Variants in MSRA observed in about 807,000 individuals in gnomAD.
The protein encoded by MSRA is mitochondrial peptide methionine sulfoxide reductase.
MSRA carries 54 observed loss-of-function variants against 31.3 expected under a neutral mutation model. The observed-to-expected ratio is 1.73, with a 90% confidence interval of 1.39 to 2.17. MSRA has a LOEUF of 2.17. MSRA is among the 30% of genes most tolerant of loss of function. The pLI is 0.00. For synonymous variants in MSRA, 169 were observed against 116.5 expected, an observed-to-expected ratio of 1.45 and a Z score of -2.90; for missense variants, 507 against 300.9, an observed-to-expected ratio of 1.69 and a Z score of -5.07.
intron 5 of MSRA, among the ~76,000 whole-genome samples, chr8:10,393,051 G>C (rs1806860839): frequency 8.7e-6 from 1 of 115,282 alleles, no homozygotes; most frequent in African/African-American, 3.5e-5. Context: ...GACTGAGCGA[G>C]ACTCCGTCTC....
chr8:10,348,932 A>C (rs1463057938), intron 5 of MSRA, among the ~76,000 whole-genome samples: 7 of 152,142 alleles, frequency 4.6e-5, no homozygotes, highest in Non-Finnish European at 2.9e-5. Flanking sequence ...CACGAGATCT[A>C]AAAAAGCCTG....
At chr8:10,127,190 C>G (rs1159184370) in intron 1 of MSRA, among the ~76,000 whole-genome samples, 1 of 152,046 alleles carries the variant, frequency 6.6e-6, no homozygotes. Flanking sequence ...TTTCTTTACT[C>G]TTCAAGTTTC....
At chr8:10,421,424 G>C (rs1808803819) in intron 5 of MSRA, among the ~76,000 whole-genome samples, 1 of 152,166 alleles carries the variant, frequency 6.6e-6, no homozygotes, top group Admixed American at 6.5e-5. Flanking sequence ...GGGTCTCAAT[G>C]CCTTTCTAAC....
intron 3 of MSRA, among the ~76,000 whole-genome samples, chr8:10,246,668 A>C (rs1797638658): frequency 6.6e-6 from 1 of 152,210 alleles, no homozygotes; most frequent in Admixed American, 6.5e-5. Flanking sequence ...CTACAATATG[A>C]ATTCTATTTT....
chr8:10,245,912 TC>T (rs1335969099), intron 3 of MSRA, among the ~76,000 whole-genome samples: 11 of 152,352 alleles, frequency 7.2e-5, no homozygotes, highest in African/African-American at 2.6e-4. Flanking sequence ...GACCATTATT[TC>T]AACAATCTAC....
At chr8:10,134,339 C>G (rs1462805927) in intron 1 of MSRA, among the ~76,000 whole-genome samples, 1 of 152,224 alleles carries the variant, frequency 6.6e-6, no homozygotes, top group African/African-American at 2.4e-5. Flanking sequence ...TTTGGAAACA[C>G]AGCACAACAC....
chr8:10,103,677 C>G (rs183854614), intron 1 of MSRA, among the ~76,000 whole-genome samples: 2 of 152,104 alleles, frequency 1.3e-5, no homozygotes, highest in African/African-American at 4.8e-5. Context: ...TGCTTTTCAG[C>G]TGTTTATTCC....
At chr8:10,427,050 G>A (rs901589269) in intron 5 of MSRA, among the ~76,000 whole-genome samples, 1 of 152,128 alleles carries the variant, frequency 6.6e-6, no homozygotes, top group East Asian at 1.9e-4. Flanking sequence ...ACCTGACGCA[G>A]TGAATCATGC....
At chr8:10,137,978 C>G (rs531241106) in intron 1 of MSRA, among the ~76,000 whole-genome samples, 4 of 152,216 alleles carry the variant, frequency 2.6e-5, no homozygotes, top group African/African-American at 9.6e-5. Flanking sequence ...GAGATTAGTA[C>G]CATGATCAAG....
At chr8:10,288,500 G>C (rs574288800) in intron 3 of MSRA, among the ~76,000 whole-genome samples, 1 of 152,138 alleles carries the variant, frequency 6.6e-6, no homozygotes, top group Non-Finnish European at 1.5e-5. Flanking sequence ...GTTGCTTGTT[G>C]TGTTGGCATG....
intron 1 of MSRA, among the ~76,000 whole-genome samples, chr8:10,200,344 C>T (rs1409009222): frequency 6.6e-6 from 1 of 152,204 alleles, no homozygotes; most frequent in Non-Finnish European, 1.5e-5. Context: ...GTTTTGGGGG[C>T]AGCCCCCACT....
intron 5 of MSRA, among the ~76,000 whole-genome samples, chr8:10,332,953 C>G (rs1802791356): frequency 6.6e-6 from 1 of 152,130 alleles, no homozygotes; most frequent in Non-Finnish European, 1.5e-5. Flanking sequence ...GGGTGGAGCC[C>G]CTGTGCAGAT....
intron 3 of MSRA, among the ~76,000 whole-genome samples, chr8:10,294,184 G>A (rs552581357): frequency 4.3e-4 from 66 of 152,302 alleles, no homozygotes; most frequent in Non-Finnish European, 6.6e-4. Flanking sequence ...CTGGGCAAGA[G>A]AGTGAGACTC....
chr8:10,312,036 G>A (rs1014661210), intron 4 of MSRA, among the ~76,000 whole-genome samples: 6 of 152,182 alleles, frequency 3.9e-5, no homozygotes, highest in African/African-American at 1.4e-4. Flanking sequence ...CATAGGTAAA[G>A]CAGTTCTCAG....
intron 2 of MSRA, among the ~76,000 whole-genome samples, chr8:10,236,167 C>T (rs544239789): frequency 1.2e-4 from 19 of 152,284 alleles, no homozygotes; most frequent in African/African-American, 4.1e-4. Context: ...CAGTAAATCT[C>T]ATATTTATTG....
At chr8:10,258,881 C>T (rs1798320298) in intron 3 of MSRA, among the ~76,000 whole-genome samples, 1 of 152,110 alleles carries the variant, frequency 6.6e-6, no homozygotes, top group South Asian at 2.1e-4. Context: ...CCAAGGCGGG[C>T]AGATCGCTTG....
At chr8:10,176,677 T>G (rs1443808689) in intron 1 of MSRA, among the ~76,000 whole-genome samples, 3 of 152,240 alleles carry the variant, frequency 2.0e-5, no homozygotes, top group African/African-American at 7.2e-5. Flanking sequence ...GATACTTCTG[T>G]GCAAAGGCCA....
At position 10,372,191 on chromosome 8, in the gene MSRA, G is replaced by A. The variant is rs1051435622; in HGVS notation, c.543+52202G>A. On this transcript the variant is annotated intron_variant, in intron 5 of 5. Coordinates refer to ENST00000317173, the MANE Select transcript of MSRA (RefSeq NM_012331.5). ...CCCACCTTTTGCCTCTACACTACTCGGGGCTTTCATGCTGGGTGTCATTGG... is the reference window on the plus strand; with the variant it reads ...CCCACCTTTTGCCTCTACACTACTCAGGGCTTTCATGCTGGGTGTCATTGG... Among the ~76,000 whole-genome samples the A allele has an allele frequency of 7.9e-5, 12 of 152,224 alleles. No homozygotes were observed. In the South Asian group the frequency reaches 1.2e-3, roughly 16 times the overall value.
intron 5 of MSRA, among the ~76,000 whole-genome samples, chr8:10,417,025 C>G (rs958938305): frequency 6.6e-6 from 1 of 152,218 alleles, no homozygotes; most frequent in African/African-American, 2.4e-5. Context: ...GTGTGACAAA[C>G]CTGCAGAGTA....
Sources: allele counts gnomAD v4.1 joint callset (sites outside exome capture counted in the v4.1 genomes callset), GRCh38; gene constraint gnomAD v4.1.1; transcripts MANE v1.5; gene names NCBI Gene and HGNC (gene_info 2026-07-23, HGNC 2026-07-21).